The following IMMP2L variants were observed in gnomAD, a reference collection of about 807,000 sequenced individuals.
The protein encoded by IMMP2L is mitochondrial inner membrane protease subunit 2.
A neutral mutation model predicts 19.3 loss-of-function variants in IMMP2L; 18 were observed. The observed-to-expected ratio is 0.93, with a 90% CI of 0.64 to 1.38. IMMP2L has a LOEUF of 1.38. Among genes scored for constraint, IMMP2L ranks in the 40% most tolerant of loss-of-function variants. The probability of loss-of-function intolerance (pLI) is 0.00; values close to 1 mark genes in which losing one functional copy is unlikely to be tolerated. For missense variants in IMMP2L, 233 were observed against 218.2 expected, an observed-to-expected ratio of 1.07 and a Z score of -0.43; for synonymous variants, 76 against 73.0, an observed-to-expected ratio of 1.04 and a Z score of -0.21.
chr7:111,507,796 G>A (rs1371279887), intron 2 of IMMP2L, among the ~76,000 whole-genome samples: 1 of 152,156 alleles, frequency 6.6e-6, no homozygotes, highest in Non-Finnish European at 1.5e-5. Flanking sequence ...CAGCTGGAAA[G>A]TTCAAGATGG....
chr7:110,682,795 C>T (rs1413487987), intron 5 of IMMP2L, among the ~76,000 whole-genome samples: 1 of 152,072 alleles, frequency 6.6e-6, no homozygotes, highest in Non-Finnish European at 1.5e-5. Context: ...AGGAGTTACC[C>T]AGTTGCACCC....
chr7:111,384,706 GA>G (rs1319102864), intron 3 of IMMP2L, among the ~76,000 whole-genome samples: 1 of 152,080 alleles, frequency 6.6e-6, no homozygotes, highest in African/African-American at 2.4e-5. Flanking sequence ...ATAAACAAGT[GA>G]AAATGAGTCA....
intron 3 of IMMP2L, among the ~76,000 whole-genome samples, chr7:111,279,716 C>T (rs188240824): frequency 6.6e-6 from 1 of 152,044 alleles, no homozygotes; most frequent in Non-Finnish European, 1.5e-5. Flanking sequence ...ATATTATAAC[C>T]TCTTTTGCTT....
At chr7:111,310,042 C>G (rs1357692481) in intron 3 of IMMP2L, among the ~76,000 whole-genome samples, 1 of 151,998 alleles carries the variant, frequency 6.6e-6, no homozygotes. Flanking sequence ...CAAGACCATC[C>G]TGGCCAACAT....
intron 3 of IMMP2L, among the ~76,000 whole-genome samples, chr7:111,458,713 A>T (rs2131985397): frequency 6.6e-6 from 1 of 152,016 alleles, no homozygotes; most frequent in South Asian, 2.1e-4. Flanking sequence ...CTTCATCTTG[A>T]TTCACTCCTT....
chr7:111,123,114 G>T lies in IMMP2L; in HGVS notation c.240-159549C>A. 1 of 1,613,632 alleles carries T rather than the reference G, an allele frequency of 6.2e-7. No homozygotes were observed. Among genetic ancestry groups the T allele is most frequent in the Non-Finnish European group, 8.5e-7 (1 of 1,179,816 alleles). Reference sequence around the variant, plus strand: ...CAGTCACCAATATTAATGTAAAAAAGATGCCTCAGCTCCTTTCTGTGTACC... The same window carrying T: ...CAGTCACCAATATTAATGTAAAAAATATGCCTCAGCTCCTTTCTGTGTACC... On this transcript the variant is annotated intron_variant, in intron 3 of 5. Transcript: ENST00000405709. The surrounding 1 kb of genome is among the most constrained non-coding windows in gnomAD (Gnocchi z 6.4).
chr7:111,281,476 G>A (rs955076579), intron 3 of IMMP2L, among the ~76,000 whole-genome samples: 6 of 152,142 alleles, frequency 3.9e-5, no homozygotes, highest in African/African-American at 1.4e-4. Flanking sequence ...GACTTCCATA[G>A]CATTTGAAGT....
chr7:111,349,690 G>C (rs183761417), intron 3 of IMMP2L, among the ~76,000 whole-genome samples: 15 of 152,082 alleles, frequency 9.9e-5, no homozygotes, highest in Admixed American at 5.2e-4. Flanking sequence ...GCTTTAAAGA[G>C]AGACAAGAGC....
At chr7:110,792,706 C>CA (rs1397764648) in intron 5 of IMMP2L, among the ~76,000 whole-genome samples, 2 of 151,750 alleles carry the variant, frequency 1.3e-5, no homozygotes, top group Non-Finnish European at 2.9e-5. Context: ...CCACAGTTTA[C>CA]AAAAAAAGGT....
intron 5 of IMMP2L, among the ~76,000 whole-genome samples, chr7:110,858,751 T>C (rs1025731054): frequency 2.0e-5 from 3 of 149,572 alleles, no homozygotes; most frequent in Non-Finnish European, 3.0e-5. Context: ...TATCCCTCCC[T>C]CCTCCCCCGA....
At chr7:110,783,861 G>A (rs1799899286) in intron 5 of IMMP2L, among the ~76,000 whole-genome samples, 1 of 151,872 alleles carries the variant, frequency 6.6e-6, no homozygotes, top group African/African-American at 2.4e-5. Context: ...GTAGTGTGGA[G>A]AAATGAAAAC....
chr7:110,702,637 T>C (rs979933876), intron 5 of IMMP2L, among the ~76,000 whole-genome samples: 1 of 152,174 alleles, frequency 6.6e-6, no homozygotes, highest in Non-Finnish European at 1.5e-5. Context: ...ACATATTTTG[T>C]TAAATTCATC....
At chr7:111,233,841 T>C (rs746913715) in intron 3 of IMMP2L, among the ~76,000 whole-genome samples, 6 of 152,098 alleles carry the variant, frequency 3.9e-5, no homozygotes, top group Non-Finnish European at 7.4e-5. Flanking sequence ...CAATGTCTAA[T>C]GAAAGTCCAA....
chr7:111,451,562 TGGGGAGG>T (rs1839178791), intron 3 of IMMP2L, among the ~76,000 whole-genome samples: 1 of 58,912 alleles, frequency 1.7e-5, no homozygotes, highest in African/African-American at 6.8e-5. Context: ...GGGACTGTGG[TGGGGAGG>T]GGGGAGGGGG....
At chr7:111,526,762 G>A (rs1289070956) in intron 1 of IMMP2L, among the ~76,000 whole-genome samples, 1 of 152,072 alleles carries the variant, frequency 6.6e-6, no homozygotes, top group Non-Finnish European at 1.5e-5. Context: ...TTTATTTTAA[G>A]AGGCACAGAA....
intron 3 of IMMP2L, among the ~76,000 whole-genome samples, chr7:111,400,633 T>C (rs899852698): frequency 6.6e-6 from 1 of 152,104 alleles, no homozygotes; most frequent in Non-Finnish European, 1.5e-5. Context: ...TGCATTTTAC[T>C]GTACCTTCCC....
At chr7:110,923,192 T>C (rs947277534) in intron 4 of IMMP2L, among the ~76,000 whole-genome samples, 1 of 152,162 alleles carries the variant, frequency 6.6e-6, no homozygotes, top group African/African-American at 2.4e-5. Context: ...CTTTCAGTGA[T>C]GAAGAAACAA....
chr7:110,758,829 T>G lies in IMMP2L; in HGVS notation c.409-95108A>C, dbSNP rs1798182549. ...TGCAGTGCCTGGAAAATTAATGAGT[T>G]ATATAAGTAAACCTCCCCAGGTGCC... On this transcript the variant is annotated intron_variant, in intron 5 of 5. Transcript: ENST00000405709. This position sits in a 1 kb window ranked among gnomAD's most constrained non-coding sequence, Gnocchi z 4.6. 6.6e-6 allele frequency among the ~76,000 whole-genome samples: 1 copy of G among 152,008 alleles called. No homozygotes were observed. The highest frequency in any genetic ancestry group is 1.5e-5 in the Non-Finnish European group (1 of 67,988).
intron 3 of IMMP2L, among the ~76,000 whole-genome samples, chr7:111,436,430 A>G (rs1837170743): frequency 1.3e-5 from 2 of 151,904 alleles, no homozygotes; most frequent in Non-Finnish European, 2.9e-5. Flanking sequence ...TCAGCATAAT[A>G]TTTCATAAAC....
Sources: allele counts gnomAD v4.1 joint callset (sites outside exome capture counted in the v4.1 genomes callset), GRCh38; gene constraint gnomAD v4.1.1; non-coding constraint Gnocchi (gnomAD v3.1); transcripts MANE v1.5; gene names NCBI Gene and HGNC (gene_info 2026-07-23, HGNC 2026-07-21).